Variants in RPS9 observed in about 807,000 individuals in gnomAD.
The protein encoded by RPS9 is ribosomal protein S9.
RPS9 carries 1 observed loss-of-function variant against 16.9 expected under a neutral mutation model. That is an observed-to-expected ratio of 0.06 (90% CI 0.02 to 0.28). RPS9 has a LOEUF of 0.28. Among genes scored for constraint, RPS9 ranks in the 10% least tolerant of loss-of-function variants. The probability of loss-of-function intolerance (pLI) is 1.00; values close to 1 mark genes in which losing one functional copy is unlikely to be tolerated. For missense variants in RPS9, 137 were observed against 273.2 expected (o/e 0.50, Z 3.51); for synonymous variants, 106 against 110.9 (o/e 0.96, Z 0.28).
At chr19:54,206,061 C>G (rs1204323343) in intron 3 of RPS9, among the ~76,000 whole-genome samples, 1 of 152,236 alleles carries the variant, frequency 6.6e-6, no homozygotes, top group Non-Finnish European at 1.5e-5. Flanking sequence ...CTCAAGTGAT[C>G]CGTCTCGGAC....
intron 1 of RPS9, 75 bp downstream of exon 1, chr19:54,200,963 T>G: frequency 7.1e-7 from 1 of 1,416,766 alleles, no homozygotes; most frequent in Non-Finnish European, 9.2e-7. Context: ...TTTCCATGAG[T>G]AAGCTAAAGA....
chr19:54,203,175 G>A (rs2077120226), intron 3 of RPS9: 14 of 927,384 alleles, frequency 1.5e-5, no homozygotes, highest in Non-Finnish European at 1.8e-5. Flanking sequence ...TAATTGCAAT[G>A]AAACTTACAG....
chr19:54,204,982 C>T (rs2077191191), intron 3 of RPS9, among the ~76,000 whole-genome samples: 1 of 152,170 alleles, frequency 6.6e-6, no homozygotes, highest in African/African-American at 2.4e-5. Context: ...TTTGGGTCCT[C>T]ACAAAGTGAG....
intron 3 of RPS9, among the ~76,000 whole-genome samples, chr19:54,203,555 A>G (rs990723646): frequency 6.6e-6 from 1 of 151,974 alleles, no homozygotes; most frequent in Admixed American, 6.6e-5. Context: ...ACTTGAGGTC[A>G]GGAGACCTCA....
rs138584213 is a variant in RPS9 at position 54,201,250 on chromosome 19, A to G, written c.66A>G (p.Lys22=). 2.1e-5 allele frequency: 34 copies of G among 1,612,984 alleles called. No individual in the cohort carries two copies. The African/African-American group carries it at 4.3e-4, about 20-fold the overall frequency. ...TYVTPRRPFE[K]SRLDQELKLI... ...TGACCCCGCGGAGACCCTTCGAGAA[A>G]TCTCGTCTCGACCAAGAGCTGAAGC... The change falls in exon 2 of 5, where the codon AAA becomes AAG. Residue 22 remains lysine (K), a synonymous_variant. Coordinates refer to ENST00000302907, the MANE Select transcript of RPS9 (RefSeq NM_001013.4).
At chr19:54,206,678 C>G (rs1166583911) in intron 4 of RPS9, 9 of 1,536,458 alleles carry the variant, frequency 5.9e-6, no homozygotes, top group Admixed American at 2.0e-5. Context: ...CGGCTCTAGC[C>G]GTACACCTTG....
At position 54,203,592 on chromosome 19, in the gene RPS9, G is replaced by A. The variant is rs576854150; in HGVS notation, c.220+1983G>A. On this transcript the variant is annotated intron_variant, in intron 3 of 4. Coordinates refer to ENST00000302907, the MANE Select transcript of RPS9 (RefSeq NM_001013.4). ...GTCAGAGACCAGCCTGGCCAACGTG[G>A]TGAAATTCCATCTCTACGAAAAATA... is the stretch of plus-strand genomic sequence containing the variant. Among the ~76,000 whole-genome samples, 15 of 152,214 alleles carry A rather than the reference G, an allele frequency of 9.9e-5. No individual in the cohort carries two copies. In the South Asian group the frequency reaches 2.9e-3, roughly 29 times the overall value.
chr19:54,207,309 C>T (rs906604541), intron 4 of RPS9, 89 bp from the exon 5 acceptor site: 22 of 1,184,884 alleles, frequency 1.9e-5, no homozygotes, highest in East Asian at 7.2e-5. Context: ...GGCGGCCTCA[C>T]GGGGTGGGTG....
chr19:54,204,078 A>C lies in RPS9; in HGVS notation c.221-2198A>C, dbSNP rs1163068183. Among the ~76,000 whole-genome samples the C allele has an allele frequency of 3.3e-5, 5 of 152,168 alleles. No homozygotes were observed. In the East Asian group the frequency reaches 9.7e-4, roughly 30 times the overall value. On this transcript the variant is annotated intron_variant, in intron 3 of 4. Coordinates refer to ENST00000302907, the MANE Select transcript of RPS9 (RefSeq NM_001013.4). ...ACTCTCCTGTTCTTTTTCAGGAGAT[A>C]GATGGTTCAATAAATGTGGGCCTGA...
At chr19:54,204,058 C>T (rs2077157295) in intron 3 of RPS9, among the ~76,000 whole-genome samples, 1 of 152,178 alleles carries the variant, frequency 6.6e-6, no homozygotes, top group African/African-American at 2.4e-5. Context: ...GGCTGACTCT[C>T]CTGTTCTTTT....
intron 4 of RPS9, chr19:54,206,734 C>T: frequency 6.8e-7 from 1 of 1,477,538 alleles, no homozygotes; most frequent in Non-Finnish European, 9.0e-7. Flanking sequence ...GGTAACAGCT[C>T]TTGGTGTCCC....
At chr19:54,201,458 A>G in intron 2 of RPS9, 29 bp from the exon 3 acceptor site, 1 of 1,613,908 alleles carries the variant, frequency 6.2e-7, no homozygotes. Flanking sequence ...ACGTGGGACT[A>G]CACTTGTCCA....
intron 4 of RPS9, 67 bp from the exon 5 acceptor site, chr19:54,207,331 G>C (rs931404465): frequency 1.4e-6 from 2 of 1,389,158 alleles, no homozygotes; most frequent in African/African-American, 2.8e-5. Context: ...AGAGGAAAGA[G>C]TGGTGCGGTA....
At chr19:54,206,854 A>G (rs868589672) in intron 4 of RPS9, 2 of 753,492 alleles carry the variant, frequency 2.7e-6, no homozygotes, top group Non-Finnish European at 2.1e-6. Flanking sequence ...CGTTCTGGGT[A>G]CTCAGTGTGC....
intron 3 of RPS9, among the ~76,000 whole-genome samples, chr19:54,205,126 G>A (rs1319786822): frequency 6.6e-6 from 1 of 152,082 alleles, no homozygotes; most frequent in Non-Finnish European, 1.5e-5. Context: ...TTTTATAAAA[G>A]TGCACATAAG....
chr19:54,201,791 C>T (rs1288008306), intron 3 of RPS9, 182 bp downstream of exon 3: 4 of 1,349,472 alleles, frequency 3.0e-6, no homozygotes, highest in Admixed American at 2.9e-5. Context: ...TGCCCTGTTT[C>T]TTAGGTGTGT....
At chr19:54,203,878 G>A (rs2077149786) in intron 3 of RPS9, among the ~76,000 whole-genome samples, 1 of 146,914 alleles carries the variant, frequency 6.8e-6, no homozygotes, top group Non-Finnish European at 1.5e-5. Context: ...ATGATGACAA[G>A]GACCTGTTTC....
intron 4 of RPS9, 143 bp from the exon 5 acceptor site, chr19:54,207,255 G>A: frequency 6.1e-6 from 4 of 659,496 alleles, no homozygotes; most frequent in African/African-American, 1.8e-5. Flanking sequence ...GCGCACGTAG[G>A]ATCAGGTGCA....
Position 54,206,270 on chromosome 19 carries a change from TC to T in RPS9, c.221-3del, listed in dbSNP as rs2077237826. ...CGGAATCAGTGTTTCCTCCCACTCT[TC>T]CCAGGCAACGCCCTGCTGCGGCGGC... On this transcript the variant is annotated splice_region_variant and splice_polypyrimidine_tract_variant and intron_variant, in intron 3 of 4. Transcript: ENST00000302907. The T allele has an allele frequency of 1.9e-6, 3 of 1,610,338 alleles. No homozygotes were observed. Among genetic ancestry groups the T allele is most frequent in the African/African-American group, 1.3e-5 (1 of 74,838 alleles).
Sources: allele counts gnomAD v4.1 joint callset (sites outside exome capture counted in the v4.1 genomes callset), GRCh38; gene constraint gnomAD v4.1.1; transcripts MANE v1.5; gene names NCBI Gene and HGNC (gene_info 2026-07-23, HGNC 2026-07-21).